The following TUBG2 variants were observed in gnomAD, a reference collection of about 807,000 sequenced individuals.
TUBG2 encodes tubulin gamma-2 chain.
TUBG2 carries 39 observed loss-of-function variants against 55.1 expected under a neutral mutation model. The ratio of observed to expected loss-of-function variants is 0.71; its 90% CI spans 0.55 to 0.93. TUBG2 has a LOEUF of 0.93. TUBG2 is among the 40% of genes least tolerant of loss of function. TUBG2 has a pLI of 0.00. For synonymous variants in TUBG2, 223 were observed against 241.0 expected, an observed-to-expected ratio of 0.93 and a Z score of 0.69; for missense variants, 358 against 599.1, an observed-to-expected ratio of 0.60 and a Z score of 4.20.
chr17:42,664,983 G>A (rs1287351806), intron 6 of TUBG2, among the ~76,000 whole-genome samples: 1 of 150,120 alleles, frequency 6.7e-6, no homozygotes, highest in African/African-American at 2.4e-5. Flanking sequence ...CCTTGGCCTT[G>A]GGATTACAGG....
Position 42,666,897 on chromosome 17 carries a change from C to A in TUBG2, c.*97C>A. ...CAGCTTCACCTCATGGACAACCCTT[C>A]TTGGTTCATCTCCAGCCCGTGAGCT... On this transcript the variant is annotated 3_prime_UTR_variant, in exon 11 of 11. Coordinates refer to ENST00000251412, the MANE Select transcript of TUBG2 (RefSeq NM_016437.3). The A allele has an allele frequency of 7.5e-7, 1 of 1,333,196 alleles. No individual in the cohort carries two copies. Among genetic ancestry groups the A allele is most frequent in the Non-Finnish European group, 1.0e-6 (1 of 953,022 alleles). 82.6% of individuals were successfully genotyped at this position (1,333,196 alleles called of 1,614,324 possible).
chr17:42,663,115 T>G, intron 5 of TUBG2, 63 bp downstream of exon 5: 1 of 1,551,922 alleles, frequency 6.4e-7, no homozygotes, highest in Non-Finnish European at 8.8e-7. Context: ...ATTGCTTTTT[T>G]CTCTTGAGCT....
In TUBG2 at chr17:42,659,384, T is replaced by C; in HGVS notation, c.-120T>C. 3 of 1,074,206 alleles carry C rather than the reference T, an allele frequency of 2.8e-6. No homozygotes were observed. The highest frequency in any genetic ancestry group is 2.6e-6 in the Non-Finnish European group (2 of 766,854). 66.5% of individuals were successfully genotyped at this position (1,074,206 alleles called of 1,614,324 possible). Reference sequence around the variant, plus strand: ...GCGCTGCACACGCGCAGACCGAGCATCCGCGTCAAGAGGCGAAGAGAGCGC... The same window carrying C: ...GCGCTGCACACGCGCAGACCGAGCACCCGCGTCAAGAGGCGAAGAGAGCGC... On this transcript the variant is annotated 5_prime_UTR_variant, in exon 1 of 11. Coordinates refer to ENST00000251412, the MANE Select transcript of TUBG2 (RefSeq NM_016437.3).
rs537769998 is a variant in TUBG2 at position 42,666,348 on chromosome 17, G to A, written c.1022G>A (p.Arg341Gln). ...TQVHKSLQRI[R>Q]ERKLANFIPW... ...GTCCACAAGAGCCTGCAGAGGATCCGGGAACGGAAGTTGGCCAACTTCATC... is the reference window on the plus strand; with the variant it reads ...GTCCACAAGAGCCTGCAGAGGATCCAGGAACGGAAGTTGGCCAACTTCATC... The change falls in exon 10 of 11, where the codon CGG (arginine) becomes CAG (glutamine). Residue 341 changes from arginine (R) to glutamine (Q), a missense_variant. Arg to Gln is a conservative substitution (Grantham distance 43). Around this residue, in one of 8 missense-constraint regions of TUBG2, gnomAD observed 129 missense variants for 251.6 expected, o/e 0.51. Transcript: ENST00000251412. The A allele has an allele frequency of 1.2e-6, 2 of 1,614,202 alleles. No individual in the cohort carries two copies. The highest frequency in any genetic ancestry group is 2.2e-5 in the South Asian group (2 of 91,088).
rs2052557202 is a variant in TUBG2, at chr17:42,666,718, G to C, written c.1274G>C (p.Arg425Thr). 6.2e-7 allele frequency: 1 copy of C among 1,614,050 alleles called. No individual in the cohort carries two copies. Among genetic ancestry groups the C allele is most frequent in the African/African-American group, 1.3e-5 (1 of 74,910 alleles). The change falls in exon 11 of 11, where the codon AGG (arginine) becomes ACG (threonine). Residue 425 changes from arginine to threonine, a missense_variant. Physicochemically the swap from Arg to Thr is moderately conservative, Grantham distance 71. Transcript: ENST00000251412. ...AACTTTGATGAGATGGACAGGTCTA[G>C]GGAGGTTGTTCAGGAGCTCATTGAT... ...KDNFDEMDRS[R>T]EVVQELIDEY...
At position 42,665,465 on chromosome 17, in the gene TUBG2, T is replaced by C; in HGVS notation, c.607-11T>C. On this transcript the variant is annotated splice_polypyrimidine_tract_variant and intron_variant, in intron 6 of 10. Coordinates refer to ENST00000251412, the MANE Select transcript of TUBG2 (RefSeq NM_016437.3). ...TCCTCAAGATGCTGTGATGCTCTTC[T>C]GTCCCCCCAGGTGGTGCTGGACAAC... The C allele has an allele frequency of 6.2e-7, 1 of 1,614,172 alleles. No homozygotes were observed.
rs1597783276 is a variant in TUBG2, at chr17:42,667,005, T to G, written c.*205T>G. ...AAGTAATAAAGCTTGGTTGTCAGTA[T>G]AGCCAGGGCTTGATCTGTGAATACG... On this transcript the variant is annotated 3_prime_UTR_variant, in exon 11 of 11. Coordinates refer to ENST00000251412, the MANE Select transcript of TUBG2 (RefSeq NM_016437.3). The G allele has an allele frequency of 1.1e-5, 6 of 570,370 alleles. No homozygotes were observed. The highest frequency in any genetic ancestry group is 2.0e-5 in the South Asian group (1 of 49,266). 35.3% of individuals were successfully genotyped at this position (570,370 alleles called of 1,614,324 possible).
rs759622231 is a variant in TUBG2 at position 42,662,971 on chromosome 17, A to G, written c.400-2A>G. 1.2e-6 allele frequency: 2 copies of G among 1,613,884 alleles called. No individual in the cohort carries two copies. The highest frequency in any genetic ancestry group is 8.5e-7 in the Non-Finnish European group (1 of 1,179,902). On this transcript the variant is annotated splice_acceptor_variant, in intron 4 of 10. Coordinates refer to ENST00000251412, the MANE Select transcript of TUBG2 (RefSeq NM_016437.3). LOFTEE classifies it high-confidence loss of function. The stretch of plus-strand genomic sequence containing the variant: ...AGTCTGTTTATTCCTGTATACACAC[A>G]GGGCTTCGTGCTGTGTCACTCCATC...
Position 42,666,783 on chromosome 17 carries a change from G to T in TUBG2, c.1339G>T (p.Gly447Cys). The change falls in exon 11 of 11, where the codon GGC becomes TGC. Residue 447 changes from glycine (G) to cysteine (C), a missense_variant. This residue lies in a region of TUBG2 where 54 missense variants were observed against 50.2 expected (regional missense o/e 1.08). Transcript: ENST00000251412. ...CACCCAGCCAGACTACATTTCCTGGGGCACCCAGGAGCAGTGATTTCCCTC... is the reference window on the plus strand; with the variant it reads ...CACCCAGCCAGACTACATTTCCTGGTGCACCCAGGAGCAGTGATTTCCCTC... ...AATQPDYISWGTQEQ is the reference protein window; with the variant it reads ...AATQPDYISWCTQEQ The T allele has an allele frequency of 1.2e-6, 2 of 1,614,016 alleles. No individual in the cohort carries two copies. Among genetic ancestry groups the T allele is most frequent in the South Asian group, 1.1e-5 (1 of 91,064 alleles).
chr17:42,659,370 G>C lies in TUBG2; in HGVS notation c.-134G>C, dbSNP rs2052326769. On this transcript the variant is annotated 5_prime_UTR_variant, in exon 1 of 11. Transcript: ENST00000251412. ...CCGAGGAGAGGCCTGCGCTGCACACGCGCAGACCGAGCATCCGCGTCAAGA... is the reference window on the plus strand; with the variant it reads ...CCGAGGAGAGGCCTGCGCTGCACACCCGCAGACCGAGCATCCGCGTCAAGA... 4 of 942,642 alleles carry C rather than the reference G, an allele frequency of 4.2e-6. No homozygotes were observed. The highest frequency in any genetic ancestry group is 4.6e-6 in the Non-Finnish European group (3 of 650,916). The allele number at this position is 942,642 out of a possible 1,614,324, so 58.4% of individuals were successfully genotyped here.
chr17:42,666,961 T>G lies in TUBG2; in HGVS notation c.*161T>G, dbSNP rs2052564216. On this transcript the variant is annotated 3_prime_UTR_variant, in exon 11 of 11. Transcript: ENST00000251412. ...CCCTTCCATGCCCTAACTTTTAATATGCTTGTTCAGCTCTAATAAAGTAAT... is the reference window on the plus strand; with the variant it reads ...CCCTTCCATGCCCTAACTTTTAATAGGCTTGTTCAGCTCTAATAAAGTAAT... 2.9e-6 allele frequency: 2 copies of G among 685,858 alleles called. No individual in the cohort carries two copies. Among genetic ancestry groups the G allele is most frequent in the East Asian group, 5.5e-5 (2 of 36,560 alleles). The allele number at this position is 685,858 out of a possible 1,614,324, so 42.5% of individuals were successfully genotyped here.
chr17:42,663,317 T>G (rs755938537), intron 5 of TUBG2, 60 bp from the exon 6 acceptor site: 1 of 1,606,692 alleles, frequency 6.2e-7, no homozygotes, highest in African/African-American at 1.3e-5. Flanking sequence ...AAATGGCACA[T>G]ATGGGCAGTG....
In TUBG2 at chr17:42,666,075, C is replaced by T; in HGVS notation, c.844-12C>T. The T allele has an allele frequency of 6.2e-7, 1 of 1,613,990 alleles. No homozygotes were observed. Among genetic ancestry groups the T allele is most frequent in the Non-Finnish European group, 8.5e-7 (1 of 1,179,866 alleles). ...GAGCGCTGGCCGGGTCCCTGTCTCA[C>T]TGTCCCATCAGGTGGCCAGCGTGAG... On this transcript the variant is annotated splice_polypyrimidine_tract_variant and intron_variant, in intron 8 of 10. Transcript: ENST00000251412.
In TUBG2 at chr17:42,659,362, C is replaced by T. The variant is rs1317380823; in HGVS notation, c.-142C>T. The T allele has an allele frequency of 1.2e-6, 1 of 865,334 alleles. No homozygotes were observed. The highest frequency in any genetic ancestry group is 1.7e-6 in the Non-Finnish European group (1 of 588,326). 53.6% of individuals were successfully genotyped at this position (865,334 alleles called of 1,614,324 possible). On this transcript the variant is annotated 5_prime_UTR_variant, in exon 1 of 11. Transcript: ENST00000251412. The stretch of plus-strand genomic sequence containing the variant: ...CCCACCGGCCGAGGAGAGGCCTGCG[C>T]TGCACACGCGCAGACCGAGCATCCG...
Position 42,659,483 on chromosome 17 carries a change from C to T in TUBG2, c.-21C>T. On this transcript the variant is annotated 5_prime_UTR_variant, in exon 1 of 11. Transcript: ENST00000251412. ...GTGACTCTCGCCAGGCCGGGGCTGG[C>T]GCGCCCACGTCTGAAGAGCGATGCC... 1 of 1,544,596 alleles carries T rather than the reference C, an allele frequency of 6.5e-7. No homozygotes were observed. The highest frequency in any genetic ancestry group is 8.7e-7 in the Non-Finnish European group (1 of 1,144,546).
chr17:42,660,652 A>G lies in TUBG2; in HGVS notation c.344A>G (p.His115Arg). Reference protein sequence around the residue: ...ASGFSQGEKIHEDIFDIIDRE... With the variant: ...ASGFSQGEKIREDIFDIIDRE... ...ATCTCTATACAGGGTGAGAAAATTC[A>G]TGAAGACATCTTTGACATCATAGAC... Residue 115 changes from histidine to arginine, a missense_variant, in exon 4 of 11, where the codon CAT (histidine) becomes CGT (arginine). Around this residue, in one of 8 missense-constraint regions of TUBG2, gnomAD observed 30 missense variants for 52.8 expected, o/e 0.57. Coordinates refer to ENST00000251412, the MANE Select transcript of TUBG2 (RefSeq NM_016437.3). 6.2e-7 allele frequency: 1 copy of G among 1,614,176 alleles called. No homozygotes were observed. The highest frequency in any genetic ancestry group is 1.1e-5 in the South Asian group (1 of 91,080).
intron 8 of TUBG2, 124 bp from the exon 9 acceptor site, chr17:42,665,963 A>G: frequency 6.3e-7 from 1 of 1,588,396 alleles, no homozygotes; most frequent in Non-Finnish European, 8.6e-7. Context: ...GGACTGGCAC[A>G]GAGCGGGCGA....
chr17:42,659,596 C>T (rs2052334038), intron 1 of TUBG2, 44 bp downstream of exon 1: 1 of 1,528,912 alleles, frequency 6.5e-7, no homozygotes, highest in African/African-American at 1.4e-5. Context: ...GGTTCTGCCC[C>T]TTCGGGTCCC....
Position 42,663,499 on chromosome 17 carries a change from G to C in TUBG2, c.602G>C (p.Cys201Ser). ...TLKRLTQNADCVVVLDNTALN... is the reference protein window; with the variant it reads ...TLKRLTQNADSVVVLDNTALN... ...AAGAGGCTGACGCAGAACGCAGATT[G>C]TGTGGTGAGCAAAGAAAGAGTTGAG... Residue 201 changes from cysteine (C) to serine (S), a missense_variant, in exon 6 of 11, where the codon TGT (cysteine) becomes TCT (serine). Physicochemically the swap from Cys to Ser is moderately radical, Grantham distance 112. Coordinates refer to ENST00000251412, the MANE Select transcript of TUBG2 (RefSeq NM_016437.3). The C allele has an allele frequency of 6.2e-7, 1 of 1,613,962 alleles. No individual in the cohort carries two copies. Among genetic ancestry groups the C allele is most frequent in the Non-Finnish European group, 8.5e-7 (1 of 1,179,866 alleles).
Sources: allele counts gnomAD v4.1 joint callset (sites outside exome capture counted in the v4.1 genomes callset), GRCh38; gene constraint gnomAD v4.1.1; regional missense constraint gnomAD v4.1.1; transcripts MANE v1.5; gene names NCBI Gene and HGNC (gene_info 2026-07-23, HGNC 2026-07-21).